Variants in COL6A2 observed in about 807,000 individuals in gnomAD.
The protein encoded by COL6A2 is collagen type VI alpha 2 chain.
In COL6A2, 90 loss-of-function variants were observed where a neutral mutation model predicts 124.9. The observed-to-expected ratio is 0.72, with a 90% CI of 0.61 to 0.86. The LOEUF is 0.86. COL6A2 is among the 40% of genes least tolerant of loss of function. The pLI is 0.00. For missense variants in COL6A2, 1,607 were observed against 1,502.5 expected (o/e 1.07, Z -1.15); for synonymous variants, 793 against 618.2 (o/e 1.28, Z -4.19).
In COL6A2 at chr21:46,132,743, CGCAG is replaced by C; in HGVS notation, c.*194_*197del. On this transcript the variant is annotated 3_prime_UTR_variant, in exon 28 of 28. Coordinates refer to ENST00000300527, the MANE Select transcript of COL6A2 (RefSeq NM_001849.4). ...CAGCCCCAGGTCTCCCCAGGCCCTC[CGCAG>C]GCTGCCCGGCCTCCCTCCCCCTGCA... is the stretch of plus-strand genomic sequence containing the variant. 1.6e-6 allele frequency: 1 copy of C among 621,692 alleles called. No individual in the cohort carries two copies. Among genetic ancestry groups the C allele is most frequent in the South Asian group, 1.9e-5 (1 of 51,296 alleles). 38.5% of individuals were successfully genotyped at this position (621,692 alleles called of 1,614,324 possible). A position where few individuals can be genotyped will look rare whatever the true frequency, so the allele number is the denominator to read the frequency against.
chr21:46,121,686 G>A, intron 18 of COL6A2, 68 bp downstream of exon 18: 1 of 1,507,520 alleles, frequency 6.6e-7, no homozygotes, highest in Middle Eastern at 1.8e-4. Context: ...CAGGACAGGG[G>A]GCCGGCCTGG....
At chr21:46,113,586 C>G (rs1030539337) in intron 4 of COL6A2, 3 of 236,370 alleles carry the variant, frequency 1.3e-5, no homozygotes. Context: ...GTGGGAGGAT[C>G]GCTTTCGTAT....
chr21:46,126,610 G>A, intron 27 of COL6A2, 69 bp downstream of exon 27: 1 of 1,594,440 alleles, frequency 6.3e-7, no homozygotes, highest in Non-Finnish European at 8.6e-7. Context: ...CCTCCTCGAG[G>A]GCCGGGCTGG....
rs1006510673 is a variant in COL6A2 at position 46,112,071 on chromosome 21, A to G, written c.208A>G (p.Met70Val). The change falls in exon 3 of 28, where the codon ATG (methionine) becomes GTG (valine). Residue 70 changes from methionine to valine, a missense_variant. Coordinates refer to ENST00000300527, the MANE Select transcript of COL6A2 (RefSeq NM_001849.4). ...CCCCACGGACATCCTGCTCTTCCAC[A>G]TGAAGCAGTTCGTGCCGCAGTTCAT... is the stretch of plus-strand genomic sequence containing the variant. ...QSPTDILLFH[M>V]KQFVPQFISQ... The G allele has an allele frequency of 3.7e-6, 6 of 1,613,014 alleles. No homozygotes were observed. Among genetic ancestry groups the G allele is most frequent in the African/African-American group, 1.3e-5 (1 of 74,906 alleles).
Position 46,102,494 on chromosome 21 carries a change from C to T in COL6A2, c.-28+4321C>T, listed in dbSNP as rs145431495. Among the ~76,000 whole-genome samples, 325 of 152,276 alleles carry T rather than the reference C, an allele frequency of 2.1e-3. 2 individuals carry two copies. Among genetic ancestry groups the T allele is most frequent in the African/African-American group, 7.4e-3 (307 of 41,566 alleles). On this transcript the variant is annotated intron_variant, in intron 1 of 27. Transcript: ENST00000300527. ...TGACCTTAGAGGAAAAGCTTTCAGT[C>T]TTTCACCACTGAGTATGATGTTCAC...
At chr21:46,125,423 A>T (rs778875713) in intron 24 of COL6A2, 42 bp from the exon 25 acceptor site, 1 of 1,610,984 alleles carries the variant, frequency 6.2e-7, no homozygotes, top group Admixed American at 1.7e-5. Context: ...CTAGGGTCTG[A>T]GGTCTCCCCG....
chr21:46,116,895 A>T lies in COL6A2; in HGVS notation c.999+81A>T. On this transcript the variant is annotated intron_variant, in intron 10 of 27. Coordinates refer to ENST00000300527, the MANE Select transcript of COL6A2 (RefSeq NM_001849.4). The surrounding 1 kb of genome is among the most constrained non-coding windows in gnomAD (Gnocchi z 4.6). ...CTGCAGGGCCCCCAGATCCAGCCTG[A>T]TCTGTCAGCTTACACATGTGTACAC... 7.1e-7 allele frequency: 1 copy of T among 1,418,394 alleles called. No homozygotes were observed. The highest frequency in any genetic ancestry group is 9.9e-7 in the Non-Finnish European group (1 of 1,007,398). The allele number at this position is 1,418,394 out of a possible 1,614,324, so 87.9% of individuals were successfully genotyped here.
At chr21:46,100,328 G>T (rs777210840) in intron 1 of COL6A2, among the ~76,000 whole-genome samples, 2 of 152,008 alleles carry the variant, frequency 1.3e-5, no homozygotes, top group Non-Finnish European at 1.5e-5. Context: ...TTGTTTGTTT[G>T]TTTGGGGTGT....
chr21:46,118,971 C>A, intron 13 of COL6A2, 59 bp from the exon 14 acceptor site: 1 of 1,331,806 alleles, frequency 7.5e-7, no homozygotes, highest in Non-Finnish European at 1.1e-6. Context: ...ACCGCACAGG[C>A]GTGACCATGC....
chr21:46,131,710 T>A (rs1401357806), intron 27 of COL6A2, among the ~76,000 whole-genome samples: 1 of 152,136 alleles, frequency 6.6e-6, no homozygotes, highest in Admixed American at 6.5e-5. Flanking sequence ...GCCTGGGGCC[T>A]GTGTCAGGGT....
At chr21:46,123,068 C>A in intron 21 of COL6A2, 131 bp downstream of exon 21, 2 of 907,648 alleles carry the variant, frequency 2.2e-6, no homozygotes, top group Admixed American at 1.9e-5. Flanking sequence ...ACCACCCCCA[C>A]CTTCCTAAAG....
rs773601584 is a variant in COL6A2, at chr21:46,119,071, G to A, written c.1221G>A (p.Val407=). The change falls in exon 14 of 28, where the codon GTG becomes GTA. Residue 407 remains valine, a synonymous_variant. Transcript: ENST00000300527. ...GNSGAPGSPG[V]KGAKGGPGPR... is the part of the protein sequence containing the mutation. ...GTGGAGCCCCAGGAAGTCCTGGTGT[G>A]AAAGGAGCCAAGGGCGGGCCTGGGC... 1 of 1,612,188 alleles carries A rather than the reference G, an allele frequency of 6.2e-7. No homozygotes were observed. Among genetic ancestry groups the A allele is most frequent in the South Asian group, 1.1e-5 (1 of 91,062 alleles).
chr21:46,119,978 C>T, intron 15 of COL6A2, 128 bp downstream of exon 15: 2 of 851,662 alleles, frequency 2.3e-6, no homozygotes, highest in Non-Finnish European at 3.9e-6. Context: ...AGAGTTCACT[C>T]TCTGCAGAGT....
At chr21:46,113,718 C>T (rs569793996) in intron 4 of COL6A2, 107 of 509,298 alleles carry the variant, frequency 2.1e-4, no homozygotes, top group East Asian at 5.7e-4. Flanking sequence ...GAGCTGCACC[C>T]GGCCTTTCTT....
chr21:46,119,941 C>T (rs2123640255), intron 15 of COL6A2, 91 bp downstream of exon 15: 1 of 1,156,198 alleles, frequency 8.6e-7, no homozygotes, highest in East Asian at 2.6e-5. Flanking sequence ...TCCCAGAGAA[C>T]AACAGAACCC....
intron 1 of COL6A2, among the ~76,000 whole-genome samples, chr21:46,102,596 A>G (rs945111798): frequency 5.9e-5 from 9 of 152,036 alleles, no homozygotes; most frequent in Non-Finnish European, 1.0e-4. Flanking sequence ...GAGTGTTTTT[A>G]TCATGAAAGG....
At chr21:46,114,650 T>C (rs1468873728) in intron 5 of COL6A2, among the ~76,000 whole-genome samples, 2 of 152,218 alleles carry the variant, frequency 1.3e-5, no homozygotes, top group African/African-American at 4.8e-5. Flanking sequence ...CACTTAATAA[T>C]ATGATTGCTC....
chr21:46,131,289 G>A (rs952940520), intron 27 of COL6A2, among the ~76,000 whole-genome samples: 2 of 152,228 alleles, frequency 1.3e-5, no homozygotes, highest in Admixed American at 1.3e-4. Flanking sequence ...GCTATGGCCA[G>A]GCCCCCAAGC....
At chr21:46,123,503 CGATGGA>C (rs2078599919) in intron 21 of COL6A2, among the ~76,000 whole-genome samples, 1 of 151,866 alleles carries the variant, frequency 6.6e-6, no homozygotes, top group African/African-American at 2.4e-5. Context: ...GGATGGATAA[CGATGGA>C]TGGATGGGCA....
Sources: gnomAD v4.1 joint callset for allele counts (sites outside exome capture counted in the v4.1 genomes callset) on GRCh38, gnomAD v4.1.1 for gene constraint, Gnocchi (gnomAD v3.1) non-coding constraint, MANE v1.5 for transcripts, NCBI Gene and HGNC (gene_info 2026-07-23, HGNC 2026-07-21) for gene names.